GALNT10: variants seen among roughly 807,000 people sequenced by gnomAD.
GALNT10 encodes the protein polypeptide N-acetylgalactosaminyltransferase 10, also known as GalNAc transferase 10.
Under a neutral mutation model 75.0 loss-of-function variants are expected in GALNT10, and 41 were observed. That is an observed-to-expected ratio of 0.55 (90% confidence interval 0.43 to 0.71). The LOEUF is 0.71. GALNT10 is among the 30% of genes least tolerant of loss of function. The pLI, the probability that GALNT10 is intolerant of heterozygous loss-of-function variation, is 0.00. For missense variants in GALNT10, 727 were observed against 818.5 expected (o/e 0.89, Z 1.36); for synonymous variants, 302 against 313.0 (o/e 0.96, Z 0.37).
At chr5:154,350,129 T>G (rs1294337814) in intron 4 of GALNT10, among the ~76,000 whole-genome samples, 1 of 152,216 alleles carries the variant, frequency 6.6e-6, no homozygotes, top group Non-Finnish European at 1.5e-5. Context: ...CCCTGGCTGC[T>G]CTGCCTATGC....
chr5:154,393,477 G>A (rs553448443), intron 7 of GALNT10, among the ~76,000 whole-genome samples: 1 of 152,266 alleles, frequency 6.6e-6, no homozygotes, highest in Admixed American at 6.5e-5. Context: ...TACCTAATGT[G>A]TGTCTGCAAC....
intron 1 of GALNT10, among the ~76,000 whole-genome samples, chr5:154,277,990 A>G (rs1380674100): frequency 6.6e-6 from 1 of 152,234 alleles, no homozygotes; most frequent in East Asian, 1.9e-4. Context: ...AGGCCAAAAA[A>G]ATAGTAATTG....
intron 1 of GALNT10, among the ~76,000 whole-genome samples, chr5:154,205,611 A>G (rs971322525): frequency 6.6e-6 from 1 of 152,192 alleles, no homozygotes; most frequent in African/African-American, 2.4e-5. Context: ...ATATGACCTA[A>G]TTTGGAAATA....
chr5:154,368,787 A>G (rs1755517253), intron 4 of GALNT10, among the ~76,000 whole-genome samples: 1 of 152,178 alleles, frequency 6.6e-6, no homozygotes, highest in Admixed American at 6.5e-5. Context: ...TTGTCTTTTT[A>G]ATTTTCCTGC....
intron 1 of GALNT10, among the ~76,000 whole-genome samples, chr5:154,229,451 G>A (rs536638539): frequency 8.5e-5 from 13 of 152,254 alleles, no homozygotes; most frequent in African/African-American, 2.6e-4. Flanking sequence ...AGTTCCTGCC[G>A]GACGTGGTGG....
At chr5:154,400,083 A>G (rs894758043) in intron 7 of GALNT10, among the ~76,000 whole-genome samples, 7 of 152,188 alleles carry the variant, frequency 4.6e-5, no homozygotes, top group African/African-American at 1.7e-4. Context: ...GGCTTCAGTA[A>G]GCAGTGATTG....
chr5:154,297,081 C>T (rs1754286898), intron 2 of GALNT10, among the ~76,000 whole-genome samples: 1 of 152,186 alleles, frequency 6.6e-6, no homozygotes. Flanking sequence ...CTTCAAGATC[C>T]TCACCAATGA....
At chr5:154,193,091 T>G (rs1350169501) in intron 1 of GALNT10, among the ~76,000 whole-genome samples, 1 of 151,582 alleles carries the variant, frequency 6.6e-6, no homozygotes, top group Non-Finnish European at 1.5e-5. Flanking sequence ...GATCTAGTTT[T>G]TGTTCATTTC....
At chr5:154,303,713 A>T (rs1290225483) in intron 3 of GALNT10, among the ~76,000 whole-genome samples, 2 of 152,228 alleles carry the variant, frequency 1.3e-5, no homozygotes, top group Non-Finnish European at 2.9e-5. Flanking sequence ...ACCCAAAAGG[A>T]TCAAACTGTT....
chr5:154,233,447 A>G (rs1342637787), intron 1 of GALNT10, among the ~76,000 whole-genome samples: 2 of 152,216 alleles, frequency 1.3e-5, no homozygotes, highest in Non-Finnish European at 2.9e-5. Context: ...AAATGGTCTC[A>G]TTGTGCTGTC....
chr5:154,301,562 G>GTTTTTTTT (rs371007487), intron 3 of GALNT10, among the ~76,000 whole-genome samples: 5 of 129,678 alleles, frequency 3.9e-5, no homozygotes, highest in Non-Finnish European at 5.0e-5. Flanking sequence ...TTGTTTTTTT[G>GTTTTTTTT]TTTTTTTTTT....
intron 4 of GALNT10, among the ~76,000 whole-genome samples, chr5:154,347,409 G>A (rs1369754243): frequency 6.6e-6 from 1 of 151,488 alleles, no homozygotes; most frequent in Non-Finnish European, 1.5e-5. Context: ...TGTCATTCAG[G>A]TTGAAGTGCA....
chr5:154,386,443 T>G lies in GALNT10; in HGVS notation c.1056+13T>G. On this transcript the variant is annotated intron_variant, in intron 7 of 11. Coordinates refer to ENST00000297107, the MANE Select transcript of GALNT10 (RefSeq NM_198321.4). ...AATCTCCTTCAAGGTGAGCCAGCTCTCCAGACGCCCCGTTCTTGGCACAGC... is the reference window on the plus strand; with the variant it reads ...AATCTCCTTCAAGGTGAGCCAGCTCGCCAGACGCCCCGTTCTTGGCACAGC... 83 of 1,492,544 alleles carry G rather than the reference T, an allele frequency of 5.6e-5. No homozygotes were observed. Among genetic ancestry groups the G allele is most frequent in the Non-Finnish European group, 7.4e-5 (79 of 1,068,922 alleles). The allele number at this position is 1,492,544 out of a possible 1,614,324, so 92.5% of individuals were successfully genotyped here. A position where few individuals can be genotyped will look rare whatever the true frequency, so the allele number is the denominator to read the frequency against.
chr5:154,365,813 A>G (rs966109851), intron 4 of GALNT10, among the ~76,000 whole-genome samples: 44 of 152,028 alleles, frequency 2.9e-4, no homozygotes, highest in African/African-American at 1.1e-3. Flanking sequence ...CCAGAAATTT[A>G]TTTTGTTAAT....
chr5:154,405,923 C>T (rs1756271265), intron 8 of GALNT10: 1 of 151,424 alleles, frequency 6.6e-6, no homozygotes, highest in Non-Finnish European at 1.5e-5. Context: ...TTACCGCCTC[C>T]TGCTTGTTAT....
At chr5:154,392,321 A>G (rs1041267589) in intron 7 of GALNT10, 1 of 152,200 alleles carries the variant, frequency 6.6e-6, no homozygotes, top group Non-Finnish European at 1.5e-5. Flanking sequence ...GTCCACCTCT[A>G]TATCCCCAGT....
rs1268696930 is a variant in GALNT10 at position 154,318,317 on chromosome 5, G to A, written c.402-11255G>A. Among the ~76,000 whole-genome samples, 3 of 152,180 alleles carry A rather than the reference G, an allele frequency of 2.0e-5. No individual in the cohort carries two copies. In the East Asian group the frequency reaches 5.8e-4, roughly 29 times the overall value. ...GATTGTTGACTTGGATTGTTGCATG[G>A]CAGAGCAAAGGCTAGAAGCCACGAT... is the stretch of plus-strand genomic sequence containing the variant. On this transcript the variant is annotated intron_variant, in intron 3 of 11. Transcript: ENST00000297107.
At chr5:154,391,874 TG>T (rs1755903689) in intron 7 of GALNT10, among the ~76,000 whole-genome samples, 4 of 26,318 alleles carry the variant, frequency 1.5e-4, no homozygotes. Flanking sequence ...GGAAGGAGAG[TG>T]TTTTTCCCAT....
At chr5:154,293,856 G>C (rs570881734) in intron 1 of GALNT10, among the ~76,000 whole-genome samples, 1 of 151,990 alleles carries the variant, frequency 6.6e-6, no homozygotes, top group South Asian at 2.1e-4. Flanking sequence ...ACCTGTCTGA[G>C]GCCCAGCCCA....
Sources: gnomAD v4.1 joint callset for allele counts (sites outside exome capture counted in the v4.1 genomes callset) on GRCh38, gnomAD v4.1.1 for gene constraint, MANE v1.5 for transcripts, NCBI Gene and HGNC (gene_info 2026-07-23, HGNC 2026-07-21) for gene names.